WDR70: variants seen among roughly 807,000 people sequenced by gnomAD.
WDR70 encodes WD repeat domain 70, also known as WD repeat-containing protein 70.
Under a neutral mutation model 88.6 loss-of-function variants are expected in WDR70, and 53 were observed. That is an observed-to-expected ratio of 0.60 (90% CI 0.48 to 0.75). WDR70 has a LOEUF of 0.75. WDR70 is among the 30% of genes least tolerant of loss of function. The pLI, the probability that WDR70 is intolerant of heterozygous loss-of-function variation, is 0.00. For synonymous variants in WDR70, 280 were observed against 270.0 expected (o/e 1.04, Z -0.36); for missense variants, 610 against 823.2 (o/e 0.74, Z 3.17).
intron 10 of WDR70, among the ~76,000 whole-genome samples, chr5:37,669,971 A>G (rs1375818043): frequency 2.0e-5 from 3 of 150,216 alleles, no homozygotes; most frequent in African/African-American, 7.4e-5. Flanking sequence ...AGTTTAGGCA[A>G]ATCTACACAG....
At chr5:37,659,522 T>C (rs1040073770) in intron 10 of WDR70, among the ~76,000 whole-genome samples, 3 of 152,244 alleles carry the variant, frequency 2.0e-5, no homozygotes, top group Non-Finnish European at 4.4e-5. Context: ...TTTTTGAATA[T>C]ATACATTAAA....
rs186417336 is a variant in WDR70, at chr5:37,432,983, A to G, written c.493-4939A>G. The stretch of plus-strand genomic sequence containing the variant: ...ATAAGATTTGCGCAAATTTTCTCCC[A>G]TTTCTCTGTAGATTGTCTTTTTACT... On this transcript the variant is annotated intron_variant, in intron 5 of 17. Coordinates refer to ENST00000265107, the MANE Select transcript of WDR70 (RefSeq NM_018034.4). Among the ~76,000 whole-genome samples, 355 of 151,966 alleles carry G rather than the reference A, an allele frequency of 2.3e-3. 2 individuals are homozygous for G. Among genetic ancestry groups the G allele is most frequent in the African/African-American group, 8.2e-3 (339 of 41,432 alleles).
chr5:37,379,805 G>C (rs1748367708), intron 2 of WDR70, among the ~76,000 whole-genome samples: 1 of 152,166 alleles, frequency 6.6e-6, no homozygotes, highest in South Asian at 2.1e-4. Context: ...CACCAATAAT[G>C]CTAAAATGAA....
At chr5:37,547,279 A>G (rs1050710050) in intron 9 of WDR70, among the ~76,000 whole-genome samples, 2 of 152,186 alleles carry the variant, frequency 1.3e-5, no homozygotes, top group Admixed American at 6.5e-5. Context: ...GTATTTCCAT[A>G]TTGTGGACTT....
At chr5:37,677,440 GT>G (rs1306605588) in intron 10 of WDR70, among the ~76,000 whole-genome samples, 4 of 152,158 alleles carry the variant, frequency 2.6e-5, no homozygotes, top group Non-Finnish European at 5.9e-5. Flanking sequence ...TTGTCTCTTT[GT>G]TCTCATTGGT....
At chr5:37,652,156 T>A (rs1745426028) in intron 10 of WDR70, among the ~76,000 whole-genome samples, 1 of 152,252 alleles carries the variant, frequency 6.6e-6, no homozygotes, top group South Asian at 2.1e-4. Context: ...TTTCTGCATA[T>A]GGCTAGCCAG....
chr5:37,532,378 T>C (rs1227439615), intron 9 of WDR70, among the ~76,000 whole-genome samples: 3 of 152,218 alleles, frequency 2.0e-5, no homozygotes, highest in African/African-American at 7.2e-5. Context: ...ATTTCTCTTC[T>C]TCCTTAGGAA....
Position 37,563,612 on chromosome 5 carries a change from C to T in WDR70, c.918-41452C>T, listed in dbSNP as rs1285383449. On this transcript the variant is annotated intron_variant, in intron 9 of 17. Transcript: ENST00000265107. ...CGGCTGGCCGGGCGGGGGGATGACC[C>T]CCCCCACCTCCCCCCGGATGGGGCG... is the stretch of plus-strand genomic sequence containing the variant. Among the ~76,000 whole-genome samples the T allele has an allele frequency of 2.1e-4, 16 of 76,694 alleles. 3 individuals are homozygous for T. Among genetic ancestry groups the T allele is most frequent in the African/African-American group, 5.3e-4 (16 of 30,234 alleles). 50.3% of individuals were successfully genotyped at this position (76,694 alleles called of 152,430 possible). A position where few individuals can be genotyped will look rare whatever the true frequency, so the allele number is the denominator to read the frequency against.
At chr5:37,402,369 G>A (rs908462214) in intron 5 of WDR70, among the ~76,000 whole-genome samples, 1 of 150,970 alleles carries the variant, frequency 6.6e-6, no homozygotes, top group Admixed American at 6.7e-5. Context: ...TGGACACGTA[G>A]GTTGATTCCA....
chr5:37,502,480 T>C (rs753083884), intron 8 of WDR70, among the ~76,000 whole-genome samples: 30 of 152,176 alleles, frequency 2.0e-4, no homozygotes, highest in Non-Finnish European at 3.7e-4. Flanking sequence ...GTTTGTTGCT[T>C]GTTTTTATCA....
At chr5:37,481,707 A>G (rs1284773482) in intron 8 of WDR70, among the ~76,000 whole-genome samples, 7 of 152,146 alleles carry the variant, frequency 4.6e-5, no homozygotes, top group African/African-American at 7.2e-5. Context: ...GGTGATTAAC[A>G]TTTGGCTCCT....
At chr5:37,702,291 G>A (rs1182064113) in intron 12 of WDR70, among the ~76,000 whole-genome samples, 1 of 152,124 alleles carries the variant, frequency 6.6e-6, no homozygotes, top group Non-Finnish European at 1.5e-5. Context: ...ACTTCTGATG[G>A]TAATTTTTTG....
chr5:37,708,706 C>G (rs1747427392), intron 13 of WDR70, among the ~76,000 whole-genome samples: 1 of 152,118 alleles, frequency 6.6e-6, no homozygotes, highest in Non-Finnish European at 1.5e-5. Flanking sequence ...GCCATTCAGA[C>G]TATAGTCAGC....
At chr5:37,668,285 A>G (rs1266510579) in intron 10 of WDR70, among the ~76,000 whole-genome samples, 1 of 152,222 alleles carries the variant, frequency 6.6e-6, no homozygotes, top group Non-Finnish European at 1.5e-5. Context: ...ACAGTAAAAT[A>G]TACCAGATAT....
rs1032220771 is a variant in WDR70, at chr5:37,728,983, T to C, written c.1877+1938T>C. Among the ~76,000 whole-genome samples, 7 of 152,178 alleles carry C rather than the reference T, an allele frequency of 4.6e-5. No individual in the cohort carries two copies. The East Asian group carries it at 1.3e-3, about 29-fold the overall frequency. ...TTATTTTTCAAGTATTTTTAAAATA[T>C]TGGTATGGTCTCTTACATTATTCTG... On this transcript the variant is annotated intron_variant, in intron 17 of 17. Coordinates refer to ENST00000265107, the MANE Select transcript of WDR70 (RefSeq NM_018034.4).
intron 14 of WDR70, chr5:37,721,464 T>TGA (rs1305613505): frequency 3.8e-5 from 20 of 529,578 alleles, no homozygotes; most frequent in Non-Finnish European, 6.8e-5. Flanking sequence ...GCTGAAATGT[T>TGA]GAGTGCAAGG....
intron 9 of WDR70, among the ~76,000 whole-genome samples, chr5:37,564,562 A>AGAGGGAGAG (rs1554150829): frequency 1.5e-4 from 21 of 139,340 alleles, no homozygotes; most frequent in Admixed American, 5.8e-4. Flanking sequence ...GACCGTGGGG[A>AGAGGGAGAG]GAGGGAGAGG....
At chr5:37,619,961 A>G (rs1341557165) in intron 10 of WDR70, 2 of 142,732 alleles carry the variant, frequency 1.4e-5, no homozygotes, top group Non-Finnish European at 3.0e-5. Flanking sequence ...AACCGGTAAT[A>G]GCAAAATGAT....
intron 10 of WDR70, among the ~76,000 whole-genome samples, chr5:37,606,799 G>A (rs976092119): frequency 1.8e-4 from 28 of 151,412 alleles, no homozygotes; most frequent in African/African-American, 6.8e-4. Flanking sequence ...TGTGTCAACT[G>A]GAAACAAATC....
Sources: allele counts gnomAD v4.1 joint callset (sites outside exome capture counted in the v4.1 genomes callset), GRCh38; gene constraint gnomAD v4.1.1; transcripts MANE v1.5; gene names NCBI Gene and HGNC (gene_info 2026-07-23, HGNC 2026-07-21).